The following TPO variants were observed in gnomAD, a reference collection of about 807,000 sequenced individuals.
TPO encodes the protein thyroid peroxidase, also known as thyroid microsomal antigen.
In TPO, 78 loss-of-function variants were observed where a neutral mutation model predicts 96.9. That is an observed-to-expected ratio of 0.81 (90% CI 0.67 to 0.97). The LOEUF (loss-of-function observed/expected upper bound fraction) is 0.97. Ranked by LOEUF, TPO falls within the 50% of genes least tolerant of loss-of-function variation. The pLI is 0.00. For missense variants in TPO, 1,252 were observed against 1,274.8 expected, an observed-to-expected ratio of 0.98 and a Z score of 0.27; for synonymous variants, 547 against 538.0, an observed-to-expected ratio of 1.02 and a Z score of -0.23.
intron 1 of TPO, among the ~76,000 whole-genome samples, chr2:1,375,096 A>T (rs1266980634): frequency 7.0e-6 from 1 of 143,732 alleles, no homozygotes; most frequent in African/African-American, 2.5e-5. Flanking sequence ...AGAGTTTTTA[A>T]TTTTTTTTTA....
In TPO at chr2:1,423,107, G is replaced by T; in HGVS notation, c.157G>T (p.Ala53Ser). Residue 53 changes from alanine (A) to serine (S), a missense_variant, in exon 3 of 17, where the codon GCC (alanine) becomes TCC (serine). By Grantham distance (99) the Ala-to-Ser change is moderately conservative (BLOSUM62 1). Coordinates refer to ENST00000329066, the MANE Select transcript of TPO (RefSeq NM_001206744.2). ...LEESKRLVDT[A>S]MYATMQRNLK... The stretch of plus-strand genomic sequence containing the variant: ...GGAAAGCAAGCGCCTGGTGGACACC[G>T]CCATGTACGCCACGATGCAGAGGTG... 1 of 1,613,958 alleles carries T rather than the reference G, an allele frequency of 6.2e-7. No individual in the cohort carries two copies. Among genetic ancestry groups the T allele is most frequent in the Non-Finnish European group, 8.5e-7 (1 of 1,180,036 alleles).
At chr2:1,418,539 A>T (rs115248535) in intron 2 of TPO, among the ~76,000 whole-genome samples, 2,794 of 152,274 alleles carry the variant, frequency 0.018, 106 homozygotes, top group African/African-American at 0.063. Context: ...ATGGAAAAAA[A>T]ATCTATGCTT....
chr2:1,534,442 C>T (rs1250507164), intron 15 of TPO, among the ~76,000 whole-genome samples: 1 of 104,660 alleles, frequency 9.6e-6, no homozygotes, highest in African/African-American at 3.4e-5. Context: ...CACAAAATTA[C>T]CCCCAGTGCA....
chr2:1,406,768 T>A (rs943595971), intron 1 of TPO, among the ~76,000 whole-genome samples: 3 of 152,222 alleles, frequency 2.0e-5, no homozygotes, highest in African/African-American at 7.2e-5. Flanking sequence ...TGTTCTGCCA[T>A]TAGCAAGTGG....
intron 15 of TPO, among the ~76,000 whole-genome samples, chr2:1,524,110 G>C: frequency 9.8e-6 from 1 of 102,516 alleles, no homozygotes; most frequent in Non-Finnish European, 1.9e-5. Flanking sequence ...CCCCCACTCC[G>C]TGCAACCTCC....
At chr2:1,521,902 C>T (rs1008295978) in intron 15 of TPO, among the ~76,000 whole-genome samples, 1 of 152,030 alleles carries the variant, frequency 6.6e-6, no homozygotes, top group African/African-American at 2.4e-5. Context: ...GTGGGTTCAG[C>T]TAAACGCATT....
chr2:1,475,626 T>C (rs1669839282), intron 7 of TPO, among the ~76,000 whole-genome samples: 1 of 152,178 alleles, frequency 6.6e-6, no homozygotes, highest in East Asian at 1.9e-4. Flanking sequence ...GGTTTCACTG[T>C]GTTAGCCAGG....
intron 15 of TPO, among the ~76,000 whole-genome samples, chr2:1,529,465 C>T (rs1428885896): frequency 1.0e-5 from 1 of 100,310 alleles, no homozygotes; most frequent in African/African-American, 4.8e-5. Flanking sequence ...GTGCAATCTC[C>T]CCATATCCCC....
intron 7 of TPO, among the ~76,000 whole-genome samples, chr2:1,466,296 A>G (rs1449579875): frequency 6.6e-6 from 1 of 152,084 alleles, no homozygotes; most frequent in Non-Finnish European, 1.5e-5. Context: ...GTTAGCTAGT[A>G]TTTTGTTAAG....
At chr2:1,537,651 A>G (rs1573664126) in intron 15 of TPO, among the ~76,000 whole-genome samples, 1 of 60,232 alleles carries the variant, frequency 1.7e-5, no homozygotes. Flanking sequence ...GATCCCCCCC[A>G]ATGTGTGCAA....
intron 5 of TPO, among the ~76,000 whole-genome samples, chr2:1,438,609 C>A (rs76046082): frequency 0.021 from 3,192 of 150,320 alleles, 104 homozygotes; most frequent in East Asian, 0.11. Flanking sequence ...CCCTCCTCCA[C>A]GTCAGGGGGA....
chr2:1,470,032 A>G (rs1669249237), intron 7 of TPO, among the ~76,000 whole-genome samples: 1 of 152,204 alleles, frequency 6.6e-6, no homozygotes, highest in African/African-American at 2.4e-5. Flanking sequence ...GAATTTTAAT[A>G]GGTACTCCCA....
chr2:1,528,063 A>C (rs115633941), intron 15 of TPO, among the ~76,000 whole-genome samples: 1,625 of 138,408 alleles, frequency 0.012, 48 homozygotes, highest in African/African-American at 0.044. Flanking sequence ...CACTGTGTGC[A>C]ACCCCCCCAG....
At chr2:1,478,602 T>C (rs1347399135) in intron 8 of TPO, among the ~76,000 whole-genome samples, 1 of 152,244 alleles carries the variant, frequency 6.6e-6, no homozygotes, top group Non-Finnish European at 1.5e-5. Flanking sequence ...TAACCCTTAG[T>C]TCCTGGGTGG....
At chr2:1,449,528 G>A (rs1030110806) in intron 5 of TPO, among the ~76,000 whole-genome samples, 3 of 152,108 alleles carry the variant, frequency 2.0e-5, no homozygotes, top group African/African-American at 7.2e-5. Context: ...AAGTTCAATT[G>A]CTCAAAACAG....
chr2:1,382,272 A>G (rs1479402286), intron 1 of TPO, among the ~76,000 whole-genome samples: 1 of 152,144 alleles, frequency 6.6e-6, no homozygotes, highest in African/African-American at 2.4e-5. Flanking sequence ...ATGACAACAC[A>G]GATATTCCTG....
chr2:1,499,707 T>C (rs989322515), intron 13 of TPO, among the ~76,000 whole-genome samples: 3 of 152,144 alleles, frequency 2.0e-5, no homozygotes, highest in Non-Finnish European at 4.4e-5. Flanking sequence ...CATGAGACTG[T>C]GTATATGAAG....
chr2:1,487,347 T>C (rs116600855), intron 9 of TPO, among the ~76,000 whole-genome samples: 1,539 of 152,338 alleles, frequency 0.01, 29 homozygotes, highest in African/African-American at 0.035. Context: ...GTGGTTCACC[T>C]GCCAACAAGG....
chr2:1,521,886 C>G (rs1000709809), intron 15 of TPO, among the ~76,000 whole-genome samples: 1 of 151,990 alleles, frequency 6.6e-6, no homozygotes, highest in Admixed American at 6.5e-5. Context: ...CCACCCCAGT[C>G]CCCCCGTGGG....
Sources: allele counts gnomAD v4.1 joint callset (sites outside exome capture counted in the v4.1 genomes callset), GRCh38; gene constraint gnomAD v4.1.1; transcripts MANE v1.5; gene names NCBI Gene and HGNC (gene_info 2026-07-23, HGNC 2026-07-21).